Variants in EYA1 observed in about 807,000 individuals in gnomAD.
The protein encoded by EYA1 is protein phosphatase EYA1.
In EYA1, 16 loss-of-function variants were observed where a neutral mutation model predicts 82.0. That is an observed-to-expected ratio of 0.20 (90% CI 0.13 to 0.30). EYA1 has a LOEUF of 0.30. Among genes scored for constraint, EYA1 ranks in the 10% least tolerant of loss-of-function variants. The pLI is 1.00. For missense variants in EYA1, 633 were observed against 730.7 expected (o/e 0.87, Z 1.54); for synonymous variants, 261 against 264.4 (o/e 0.99, Z 0.12).
chr8:71,428,141 T>C (rs1358364468), intron 2 of EYA1, among the ~76,000 whole-genome samples: 1 of 152,144 alleles, frequency 6.6e-6, no homozygotes, highest in Non-Finnish European at 1.5e-5. Flanking sequence ...GAGAAAGTAT[T>C]ACTGATTGAT....
chr8:71,246,007 G>A (rs1813046794), intron 11 of EYA1, among the ~76,000 whole-genome samples: 1 of 152,174 alleles, frequency 6.6e-6, no homozygotes, highest in South Asian at 2.1e-4. Context: ...TGGGGGATAT[G>A]CAGGTATTTG....
At chr8:71,456,362 C>A (rs1427344509) in intron 2 of EYA1, among the ~76,000 whole-genome samples, 1 of 152,140 alleles carries the variant, frequency 6.6e-6, no homozygotes, top group African/African-American at 2.4e-5. Flanking sequence ...ATGTCATCCC[C>A]ATCAAGCTAC....
At chr8:71,389,967 A>G (rs1829182707) in intron 2 of EYA1, among the ~76,000 whole-genome samples, 1 of 152,060 alleles carries the variant, frequency 6.6e-6, no homozygotes, top group South Asian at 2.1e-4. Flanking sequence ...TGAATTTATC[A>G]TTTATTGAAT....
chr8:71,368,955 G>C (rs1476322679), intron 2 of EYA1, among the ~76,000 whole-genome samples: 1 of 150,226 alleles, frequency 6.7e-6, no homozygotes, highest in East Asian at 2.0e-4. Context: ...TTGGGAGGTC[G>C]AGGCAGGTGG....
chr8:71,228,095 C>T (rs1436645853), intron 12 of EYA1, among the ~76,000 whole-genome samples: 4 of 152,220 alleles, frequency 2.6e-5, no homozygotes, highest in East Asian at 3.9e-4. Context: ...TATGCAGAAC[C>T]GGACATAGGC....
chr8:71,306,471 C>G (rs1659020604), intron 7 of EYA1, among the ~76,000 whole-genome samples: 1 of 151,978 alleles, frequency 6.6e-6, no homozygotes, highest in South Asian at 2.1e-4. Flanking sequence ...GCTAGAGAAC[C>G]CTTACAAATG....
intron 2 of EYA1, among the ~76,000 whole-genome samples, chr8:71,425,575 A>C (rs544766315): frequency 6.8e-6 from 1 of 147,514 alleles, no homozygotes. Flanking sequence ...ATAAGGGGGG[A>C]AATTTCCCTT....
chr8:71,485,717 T>A (rs927226760), intron 2 of EYA1, among the ~76,000 whole-genome samples: 6 of 152,212 alleles, frequency 3.9e-5, no homozygotes, highest in African/African-American at 1.4e-4. Flanking sequence ...GGTTATTCTC[T>A]TAATCCAATG....
At chr8:71,535,840 C>A (rs908407865) in exon 2 of EYA1, 1 of 1,050,248 alleles carries the variant, frequency 9.5e-7, no homozygotes, top group Non-Finnish European at 1.3e-6. Flanking sequence ...GGTTCCAACA[C>A]CCCTGCACCT....
At chr8:71,273,720 A>C (rs1456512043) in intron 9 of EYA1, among the ~76,000 whole-genome samples, 1 of 152,244 alleles carries the variant, frequency 6.6e-6, no homozygotes. Flanking sequence ...CAACCAGTAC[A>C]GTCACCATCT....
intron 2 of EYA1, among the ~76,000 whole-genome samples, chr8:71,391,389 T>A: frequency 6.6e-6 from 1 of 152,240 alleles, no homozygotes; most frequent in Admixed American, 6.5e-5. Context: ...ATAGTTATAA[T>A]AGCTTCTTTA....
chr8:71,327,063 A>C (rs1471697762), intron 4 of EYA1, among the ~76,000 whole-genome samples: 1 of 152,150 alleles, frequency 6.6e-6, no homozygotes, highest in East Asian at 1.9e-4. Context: ...TTCTTTGATC[A>C]GCTTTTGTTT....
At chr8:71,308,634 A>C (rs1036270321) in intron 7 of EYA1, among the ~76,000 whole-genome samples, 1 of 152,104 alleles carries the variant, frequency 6.6e-6, no homozygotes, top group African/African-American at 2.4e-5. Flanking sequence ...ACATTACTTA[A>C]AATATTAAAT....
At chr8:71,428,253 A>C (rs574012894) in intron 2 of EYA1, among the ~76,000 whole-genome samples, 19 of 152,240 alleles carry the variant, frequency 1.2e-4, no homozygotes, top group Non-Finnish European at 2.6e-4. Context: ...GGGGGAGGAG[A>C]GCATTAGTAA....
At chr8:71,369,033 A>G (rs1252852650) in intron 2 of EYA1, among the ~76,000 whole-genome samples, 56 of 10,974 alleles carry the variant, frequency 5.1e-3, no homozygotes, top group Middle Eastern at 0.018. Context: ...CTAAAAATAC[A>G]AAAAAAAAAA....
At chr8:71,376,333 G>C (rs933778841) in intron 2 of EYA1, among the ~76,000 whole-genome samples, 1 of 152,172 alleles carries the variant, frequency 6.6e-6, no homozygotes, top group African/African-American at 2.4e-5. Flanking sequence ...CTGGGTGTAG[G>C]GCATGGGACA....
chr8:71,449,433 G>C lies in EYA1; in HGVS notation c.33+86311C>G, dbSNP rs144439971. ...TCCACCAGAGCTCTTGAGTGACTGG[G>C]AGCATTTCAATGAACAGTAATTTTT... On this transcript the variant is annotated intron_variant, in intron 2 of 18. Coordinates refer to the EYA1 transcript ENST00000643681. Among the ~76,000 whole-genome samples the C allele has an allele frequency of 1.1e-3, 166 of 152,290 alleles. 2 individuals carry two copies. The East Asian group carries it at 0.02, about 19-fold the overall frequency.
intron 11 of EYA1, among the ~76,000 whole-genome samples, chr8:71,263,254 C>T (rs1463971893): frequency 6.6e-6 from 1 of 152,158 alleles, no homozygotes; most frequent in Admixed American, 6.5e-5. Context: ...CCTGTCTCAG[C>T]CTAGCTTACA....
intron 16 of EYA1, among the ~76,000 whole-genome samples, chr8:71,213,397 T>G (rs1808777052): frequency 6.6e-6 from 1 of 152,198 alleles, no homozygotes; most frequent in Non-Finnish European, 1.5e-5. Flanking sequence ...CTGGTAAACC[T>G]TTTCCACAAT....
Sources: gnomAD v4.1 joint callset for allele counts (sites outside exome capture counted in the v4.1 genomes callset) on GRCh38, gnomAD v4.1.1 for gene constraint, MANE v1.5 for transcripts, NCBI Gene and HGNC (gene_info 2026-07-23, HGNC 2026-07-21) for gene names.